Variants in CNOT3 observed in about 807,000 individuals in gnomAD.
The protein encoded by CNOT3 is CCR4-NOT transcription complex subunit 3.
In CNOT3, 2 loss-of-function variants were observed where a neutral mutation model predicts 89.4. The ratio of observed to expected loss-of-function variants is 0.02; its 90% CI spans 0.01 to 0.07. The LOEUF is 0.07. Among genes scored for constraint, CNOT3 ranks in the 10% least tolerant of loss-of-function variants. The probability of loss-of-function intolerance (pLI) is 1.00; values close to 1 mark genes in which losing one functional copy is unlikely to be tolerated. For missense variants in CNOT3, 664 were observed against 1,010.2 expected, an observed-to-expected ratio of 0.66 and a Z score of 4.65; for synonymous variants, 486 against 402.0, an observed-to-expected ratio of 1.21 and a Z score of -2.50.
rs2074645594 is a variant in CNOT3 at position 54,145,887 on chromosome 19, A to G, written c.704-23A>G. On this transcript the variant is annotated intron_variant, in intron 8 of 17. Transcript: ENST00000221232. The surrounding 1 kb of genome is among the most constrained non-coding windows in gnomAD (Gnocchi z 5.9). Reference sequence around the variant, plus strand: ...AATGGGCTGTGTGAGCCAGCTAAGCATGCCCTTCTTCTGCCCCCACAGCAC... The same window carrying G: ...AATGGGCTGTGTGAGCCAGCTAAGCGTGCCCTTCTTCTGCCCCCACAGCAC... The G allele has an allele frequency of 6.2e-7, 1 of 1,612,796 alleles. No individual in the cohort carries two copies. Among genetic ancestry groups the G allele is most frequent in the Non-Finnish European group, 8.5e-7 (1 of 1,179,468 alleles).
intron 13 of CNOT3, among the ~76,000 whole-genome samples, chr19:54,150,413 C>G (rs1357749209): frequency 2.0e-5 from 3 of 152,150 alleles, no homozygotes; most frequent in African/African-American, 7.2e-5. Context: ...AGAGAGGTGT[C>G]CACTCTGCAG....
At chr19:54,142,809 T>C in intron 1 of CNOT3, 120 bp from the exon 2 acceptor site, 1 of 679,338 alleles carries the variant, frequency 1.5e-6, no homozygotes, top group Non-Finnish European at 2.6e-6. Context: ...TCTTGTCAGA[T>C]AGCAAATGCT....
rs1050179491 is a variant in CNOT3 at position 54,155,508 on chromosome 19, G to A, written c.*101G>A. 57 of 944,214 alleles carry A rather than the reference G, an allele frequency of 6.0e-5. No individual in the cohort carries two copies. Among genetic ancestry groups the A allele is most frequent in the African/African-American group, 1.2e-4 (7 of 60,536 alleles). The allele number at this position is 944,214 out of a possible 1,614,324, so 58.5% of individuals were successfully genotyped here. A position where few individuals can be genotyped will look rare whatever the true frequency, so the allele number is the denominator to read the frequency against. ...AGACTGGAGGGAGGCCCCAAGCCAC[G>A]GGGCATCCCCCTCTCCCAGGAAGCA... On this transcript the variant is annotated 3_prime_UTR_variant, in exon 18 of 18. Transcript: ENST00000221232.
In CNOT3 at chr19:54,149,800, CTGT is replaced by C. The variant is rs777765430; in HGVS notation, c.1605+47_1605+49del. The C allele has an allele frequency of 1.5e-4, 228 of 1,530,624 alleles. No homozygotes were observed. The Admixed American group carries it at 2.0e-3, about 14-fold the overall frequency. The allele number at this position is 1,530,624 out of a possible 1,614,324, so 94.8% of individuals were successfully genotyped here. A position where few individuals can be genotyped will look rare whatever the true frequency, so the allele number is the denominator to read the frequency against. ...TCCCCCGAGCCTCTGTGTCCTGACT[CTGT>C]TGTTTCTTTCCTCCAGGTCTCTAGC... On this transcript the variant is annotated intron_variant, in intron 13 of 17. Transcript: ENST00000221232.
In CNOT3 at chr19:54,148,817, G is replaced by C. The variant is rs778404373; in HGVS notation, c.1406+74G>C. The C allele has an allele frequency of 6.8e-7, 1 of 1,466,186 alleles. No individual in the cohort carries two copies. The highest frequency in any genetic ancestry group is 1.4e-5 in the African/African-American group (1 of 71,728). 90.8% of individuals were successfully genotyped at this position (1,466,186 alleles called of 1,614,324 possible). A position where few individuals can be genotyped will look rare whatever the true frequency, so the allele number is the denominator to read the frequency against. On this transcript the variant is annotated intron_variant, in intron 12 of 17. Coordinates refer to ENST00000221232, the MANE Select transcript of CNOT3 (RefSeq NM_014516.4). This position sits in a 1 kb window ranked among gnomAD's most constrained non-coding sequence, Gnocchi z 6.3. ...AGAGAGGCGCAGGCGCCTCACCCCC[G>C]CATCGGTGGGTTCTGAACCCCCCGC...
At position 54,144,699 on chromosome 19, in the gene CNOT3, C is replaced by G. The variant is rs1300329962; in HGVS notation, c.483+367C>G. Among the ~76,000 whole-genome samples the G allele has an allele frequency of 6.6e-6, 1 of 152,088 alleles. No individual in the cohort carries two copies. Among genetic ancestry groups the G allele is most frequent in the Non-Finnish European group, 1.5e-5 (1 of 68,018 alleles). ...TCCTGGCACCCAGAGGGCCCTGGTC[C>G]TAGGGAGAGCACAGTGGGTAGAGAC... On this transcript the variant is annotated intron_variant, in intron 7 of 17. Coordinates refer to ENST00000221232, the MANE Select transcript of CNOT3 (RefSeq NM_014516.4). This position sits in a 1 kb window ranked among gnomAD's most constrained non-coding sequence, Gnocchi z 4.8.
intron 1 of CNOT3, among the ~76,000 whole-genome samples, chr19:54,139,888 C>G (rs2074378468): frequency 6.6e-6 from 1 of 152,112 alleles, no homozygotes; most frequent in African/African-American, 2.4e-5. Context: ...TACCTCTACC[C>G]CAGGCCCTAA....
chr19:54,155,570 C>G lies in CNOT3; in HGVS notation c.*163C>G, dbSNP rs1175484676. On this transcript the variant is annotated 3_prime_UTR_variant, in exon 18 of 18. Coordinates refer to ENST00000221232, the MANE Select transcript of CNOT3 (RefSeq NM_014516.4). ...GGGAGGTTTTCCTCTCAGCCCCACC[C>G]TGGGGGCCCGGGGGCGAGGGCTGCC... is the stretch of plus-strand genomic sequence containing the variant. 4.1e-6 allele frequency: 4 copies of G among 985,270 alleles called. No individual in the cohort carries two copies. The highest frequency in any genetic ancestry group is 5.9e-6 in the Non-Finnish European group (4 of 676,510). The allele number at this position is 985,270 out of a possible 1,614,324, so 61.0% of individuals were successfully genotyped here.
In CNOT3 at chr19:54,154,137, C is replaced by T. The variant is rs567839094; in HGVS notation, c.2163+297C>T. The T allele has an allele frequency of 1.9e-4, 118 of 632,544 alleles. 1 individual carries two copies. Among genetic ancestry groups the T allele is most frequent in the South Asian group, 1.6e-3 (105 of 64,628 alleles). The allele number at this position is 632,544 out of a possible 1,614,324, so 39.2% of individuals were successfully genotyped here. ...TCCCCTTTGCAGTGCTGGGCACACT[C>T]GCCTGGGGTGTGGGATTTTCCCAGT... On this transcript the variant is annotated intron_variant, in intron 17 of 17. Coordinates refer to ENST00000221232, the MANE Select transcript of CNOT3 (RefSeq NM_014516.4).
rs977092298 is a variant in CNOT3 at position 54,155,176 on chromosome 19, T to G, written c.2164-133T>G. 3.2e-6 allele frequency: 3 copies of G among 942,958 alleles called. No homozygotes were observed. In the African/African-American group the frequency reaches 5.0e-5, roughly 16 times the overall value. The allele number at this position is 942,958 out of a possible 1,614,324, so 58.4% of individuals were successfully genotyped here. On this transcript the variant is annotated intron_variant, in intron 17 of 17. Transcript: ENST00000221232. ...AACCTTGTGAGGATGGATGAGAGTG[T>G]GTGCGTGCAGGGCAGCTGGCCCGGT...
rs34420007 is a variant in CNOT3 at position 54,149,626 on chromosome 19, A to T, written c.1473A>T (p.Ser491=). Residue 491 remains serine (S), a synonymous_variant, in exon 13 of 18, where the codon TCA becomes TCT. Coordinates refer to ENST00000221232, the MANE Select transcript of CNOT3 (RefSeq NM_014516.4). ...TGGCCCCAGGCTCAGGGAACAACTC[A>T]GGGGGACCCAGCCTCCTGGTGCCAC... ...GGVAPGSGNN[S]GGPSLLVPLP... is the part of the protein sequence containing the mutation. The T allele has an allele frequency of 8.1e-6, 13 of 1,613,492 alleles. No homozygotes were observed. The highest frequency in any genetic ancestry group is 1.1e-5 in the Non-Finnish European group (13 of 1,179,742).
Position 54,144,415 on chromosome 19 carries a change from C to T in CNOT3, c.483+83C>T, listed in dbSNP as rs2074574716. 1 of 1,017,246 alleles carries T rather than the reference C, an allele frequency of 9.8e-7. No homozygotes were observed. Among genetic ancestry groups the T allele is most frequent in the Non-Finnish European group, 1.5e-6 (1 of 653,774 alleles). The allele number at this position is 1,017,246 out of a possible 1,614,324, so 63.0% of individuals were successfully genotyped here. ...CAGCAGGAGGCCAGTCATTTATGCT[C>T]CTGGGAGTTGGGGCCTGGATTCCTC... On this transcript the variant is annotated intron_variant, in intron 7 of 17. Transcript: ENST00000221232. This position sits in a 1 kb window ranked among gnomAD's most constrained non-coding sequence, Gnocchi z 4.8.
chr19:54,155,184 C>T (rs1281268149), intron 17 of CNOT3, 125 bp from the exon 18 acceptor site: 34 of 1,078,590 alleles, frequency 3.2e-5, no homozygotes, highest in South Asian at 1.8e-4. Context: ...TGTGTGCGTG[C>T]AGGGCAGCTG....
chr19:54,153,332 T>C (rs42318), intron 16 of CNOT3: 576,272 of 761,094 alleles, frequency 0.76, 219,448 homozygotes, highest in African/African-American at 0.89. Context: ...CTCTGCTCAT[T>C]GGCACATTCT....
At chr19:54,142,625 T>C (rs1232697351) in intron 1 of CNOT3, 1 of 466,888 alleles carries the variant, frequency 2.1e-6, no homozygotes. Context: ...AAAAACCTTT[T>C]TGAGTGTATT....
intron 17 of CNOT3, chr19:54,155,038 A>G (rs1371782039): frequency 5.6e-6 from 3 of 531,128 alleles, no homozygotes; most frequent in African/African-American, 1.9e-5. Context: ...AAGGCTGTGC[A>G]CTCACACCTG....
At position 54,146,587 on chromosome 19, in the gene CNOT3, C is replaced by T. The variant is rs773392238; in HGVS notation, c.838-14C>T. On this transcript the variant is annotated splice_polypyrimidine_tract_variant and intron_variant, in intron 9 of 17. Transcript: ENST00000221232. ...GAGGTCACACAGGTTTCTATTCTGC[C>T]TCCCCTACCTCAGGAAAACTCTGAA... 24 of 1,371,428 alleles carry T rather than the reference C, an allele frequency of 1.7e-5. No individual in the cohort carries two copies. Among genetic ancestry groups the T allele is most frequent in the Non-Finnish European group, 1.8e-5 (17 of 958,788 alleles). 85.0% of individuals were successfully genotyped at this position (1,371,428 alleles called of 1,614,324 possible). A position where few individuals can be genotyped will look rare whatever the true frequency, so the allele number is the denominator to read the frequency against.
In CNOT3 at chr19:54,148,219, C is replaced by G. The variant is rs2074791685; in HGVS notation, c.966C>G (p.Thr322=). ...CTCAGTCCCCAGCTGTGCCGCCCAC[C>G]TACCCCTCCGGCCCCCCGCCTGCTG... ...QHPQSPAVPP[T]YPSGPPPAAS... The change falls in exon 11 of 18, where the codon ACC becomes ACG. Residue 322 remains threonine, a synonymous_variant. Transcript: ENST00000221232. This position sits in a 1 kb window ranked among gnomAD's most constrained non-coding sequence, Gnocchi z 6.3. The G allele has an allele frequency of 1.3e-6, 2 of 1,596,050 alleles. No homozygotes were observed. Among genetic ancestry groups the G allele is most frequent in the African/African-American group, 1.3e-5 (1 of 74,418 alleles).
chr19:54,152,177 T>TG, intron 13 of CNOT3, 49 bp from the exon 14 acceptor site: 1 of 1,598,432 alleles, frequency 6.3e-7, no homozygotes, highest in East Asian at 2.2e-5. Context: ...AGGCTGCACT[T>TG]GCTCCTGCAG....
Sources: allele counts gnomAD v4.1 joint callset (sites outside exome capture counted in the v4.1 genomes callset), GRCh38; gene constraint gnomAD v4.1.1; non-coding constraint Gnocchi (gnomAD v3.1); transcripts MANE v1.5; gene names NCBI Gene and HGNC (gene_info 2026-07-23, HGNC 2026-07-21).